TENT4B: variants seen among roughly 807,000 people sequenced by gnomAD.
The protein encoded by TENT4B is terminal nucleotidyltransferase 4B, also known as PAP associated domain containing 5.
Under a neutral mutation model 75.0 loss-of-function variants are expected in TENT4B, and 10 were observed. That is an observed-to-expected ratio of 0.13 (90% CI 0.08 to 0.23). The LOEUF is 0.23. TENT4B is among the 10% of genes least tolerant of loss of function. TENT4B has a pLI of 1.00. For missense variants in TENT4B, 579 were observed against 893.8 expected, an observed-to-expected ratio of 0.65 and a Z score of 4.49; for synonymous variants, 350 against 357.7, an observed-to-expected ratio of 0.98 and a Z score of 0.24.
chr16:50,207,561 G>A (rs1260003870), intron 1 of TENT4B, among the ~76,000 whole-genome samples: 2 of 152,158 alleles, frequency 1.3e-5, no homozygotes, highest in Non-Finnish European at 2.9e-5. Context: ...TCAGATCACG[G>A]AAGAGTTGTA....
At chr16:50,211,234 A>G (rs1438029302) in intron 1 of TENT4B, 89 bp from the exon 2 acceptor site, 7 of 1,323,848 alleles carry the variant, frequency 5.3e-6, no homozygotes, top group Admixed American at 3.3e-5. Flanking sequence ...CAGCTGAATT[A>G]TAAGACTTAA....
chr16:50,182,030 G>A (rs1246067855), intron 1 of TENT4B, among the ~76,000 whole-genome samples: 2 of 152,146 alleles, frequency 1.3e-5, no homozygotes, highest in African/African-American at 4.8e-5. Flanking sequence ...TTAGTAGGAG[G>A]CCGAGGTGGG....
chr16:50,233,565 T>G lies in TENT4B; in HGVS notation c.*4237T>G. The G allele has an allele frequency of 1.0e-6, 1 of 984,928 alleles. No homozygotes were observed. Among genetic ancestry groups the G allele is most frequent in the Non-Finnish European group, 1.2e-6 (1 of 829,456 alleles). 61.0% of individuals were successfully genotyped at this position (984,928 alleles called of 1,614,324 possible). ...TAGACGTTGAATGTTGACAAAATTATTAACCAGAAAAATTGCTTATAAAGG... is the reference window on the plus strand; with the variant it reads ...TAGACGTTGAATGTTGACAAAATTAGTAACCAGAAAAATTGCTTATAAAGG... On this transcript the variant is annotated 3_prime_UTR_variant, in exon 12 of 12. Coordinates refer to ENST00000561678, the MANE Select transcript of TENT4B (RefSeq NM_001365324.3).
chr16:50,169,037 A>G (rs1189318471), intron 1 of TENT4B, among the ~76,000 whole-genome samples: 2 of 152,228 alleles, frequency 1.3e-5, no homozygotes, highest in Non-Finnish European at 2.9e-5. Flanking sequence ...ATTAATACCT[A>G]AAAGAAGTGA....
At chr16:50,182,626 T>C (rs1311362767) in intron 1 of TENT4B, among the ~76,000 whole-genome samples, 1 of 152,196 alleles carries the variant, frequency 6.6e-6, no homozygotes, top group African/African-American at 2.4e-5. Context: ...TAAATACACT[T>C]TCCTATGTGA....
chr16:50,210,418 G>A (rs568830608), intron 1 of TENT4B, among the ~76,000 whole-genome samples: 2 of 152,314 alleles, frequency 1.3e-5, no homozygotes, highest in East Asian at 1.9e-4. Flanking sequence ...CAGGCGCTGC[G>A]CCTATCCGCA....
At chr16:50,216,241 A>G (rs868646803) in intron 4 of TENT4B, 46 bp downstream of exon 4, 17 of 1,603,878 alleles carry the variant, frequency 1.1e-5, no homozygotes, top group Middle Eastern at 1.6e-4. Flanking sequence ...TTATTTACCT[A>G]TGAAACTTGA....
At chr16:50,196,878 G>T (rs2030293675) in intron 1 of TENT4B, among the ~76,000 whole-genome samples, 1 of 151,972 alleles carries the variant, frequency 6.6e-6, no homozygotes, top group Admixed American at 6.6e-5. Context: ...AAAGGCTGCA[G>T]TGAGCTATGG....
At chr16:50,169,793 G>A (rs889394702) in intron 1 of TENT4B, among the ~76,000 whole-genome samples, 3 of 152,180 alleles carry the variant, frequency 2.0e-5, no homozygotes, top group Admixed American at 6.5e-5. Context: ...CATGCATGAA[G>A]GGAAGTTAAT....
intron 1 of TENT4B, among the ~76,000 whole-genome samples, chr16:50,158,634 G>A (rs1397305483): frequency 6.6e-6 from 1 of 152,196 alleles, no homozygotes; most frequent in Non-Finnish European, 1.5e-5. Context: ...CTTCTGGAAG[G>A]TGCTTGGTGT....
chr16:50,153,825 C>T lies in TENT4B; in HGVS notation c.204C>T (p.Ser68=). The change falls in exon 1 of 12, where the codon AGC becomes AGT. Residue 68 remains serine (S), a synonymous_variant. Transcript: ENST00000561678. ...GCGGGAGCGGCAGCAGCACCGGCAGCCCCGGCGGCGCGGCCTCGGCCCCGG... is the reference window on the plus strand; with the variant it reads ...GCGGGAGCGGCAGCAGCACCGGCAGTCCCGGCGGCGCGGCCTCGGCCCCGG... ...ATGGSGSSTG[S]PGGAASAPAP... 8.1e-6 allele frequency: 10 copies of T among 1,240,100 alleles called. No homozygotes were observed. Among genetic ancestry groups the T allele is most frequent in the Non-Finnish European group, 1.0e-5 (10 of 996,008 alleles). The allele number at this position is 1,240,100 out of a possible 1,614,324, so 76.8% of individuals were successfully genotyped here. A position where few individuals can be genotyped will look rare whatever the true frequency, so the allele number is the denominator to read the frequency against.
chr16:50,172,041 A>C (rs1273189914), intron 1 of TENT4B, among the ~76,000 whole-genome samples: 2 of 151,824 alleles, frequency 1.3e-5, no homozygotes, highest in African/African-American at 4.8e-5. Flanking sequence ...CTCTGTCTCA[A>C]AAATAAATAA....
chr16:50,231,001 T>C lies in TENT4B; in HGVS notation c.*1673T>C. The stretch of plus-strand genomic sequence containing the variant: ...GAAATACTGAAGACCAATCAGACCA[T>C]TAATGGACACTTAGTGTAACTTTTT... On this transcript the variant is annotated 3_prime_UTR_variant, in exon 12 of 12. Coordinates refer to ENST00000561678, the MANE Select transcript of TENT4B (RefSeq NM_001365324.3). 1.0e-6 allele frequency: 1 copy of C among 983,408 alleles called. No individual in the cohort carries two copies. The highest frequency in any genetic ancestry group is 1.2e-6 in the Non-Finnish European group (1 of 827,718). The allele number at this position is 983,408 out of a possible 1,614,324, so 60.9% of individuals were successfully genotyped here. A position where few individuals can be genotyped will look rare whatever the true frequency, so the allele number is the denominator to read the frequency against.
At chr16:50,168,974 C>A (rs535489162) in intron 1 of TENT4B, among the ~76,000 whole-genome samples, 64 of 152,226 alleles carry the variant, frequency 4.2e-4, no homozygotes, top group African/African-American at 1.5e-3. Context: ...ATAAATAGTT[C>A]TTTGTGTATC....
At position 50,223,214 on chromosome 16, in the gene TENT4B, A is replaced by T. The variant is rs1479379550; in HGVS notation, c.1208A>T (p.Tyr403Phe). ...GATGCTTGCATCCCCAATACAAACTATGGTGTTCTCTTAATAGAATTTTTT... is the reference window on the plus strand; with the variant it reads ...GATGCTTGCATCCCCAATACAAACTTTGGTGTTCTCTTAATAGAATTTTTT... ...REDACIPNTN[Y>F]GVLLIEFFEL... Residue 403 changes from tyrosine (Y) to phenylalanine (F), a missense_variant, in exon 7 of 12, where the codon TAT becomes TTT. This residue lies in a region of TENT4B where 71 missense variants were observed against 210.6 expected (regional missense o/e 0.34). Transcript: ENST00000561678. 10 of 1,613,560 alleles carry T rather than the reference A, an allele frequency of 6.2e-6. No individual in the cohort carries two copies. Among genetic ancestry groups the T allele is most frequent in the Non-Finnish European group, 8.5e-6 (10 of 1,179,688 alleles).
chr16:50,194,239 G>A (rs1414653768), intron 1 of TENT4B, among the ~76,000 whole-genome samples: 7 of 131,554 alleles, frequency 5.3e-5, no homozygotes, highest in African/African-American at 1.4e-4. Flanking sequence ...TCTCTGAGAC[G>A]GAGTCTTGCT....
chr16:50,224,816 C>A, intron 8 of TENT4B, 33 bp downstream of exon 8: 2 of 1,612,864 alleles, frequency 1.2e-6, no homozygotes, highest in South Asian at 2.2e-5. Context: ...CCCATTGTGT[C>A]AAAATTAGTT....
At position 50,154,147 on chromosome 16, in the gene TENT4B, C is replaced by T. The variant is rs951922383; in HGVS notation, c.526C>T (p.Leu176=). 7 of 1,523,664 alleles carry T rather than the reference C, an allele frequency of 4.6e-6. No homozygotes were observed. The African/African-American group carries it at 5.6e-5, about 12-fold the overall frequency. 94.4% of individuals were successfully genotyped at this position (1,523,664 alleles called of 1,614,324 possible). ...CAGCACGTATGGACTCAACTACAGC[C>T]TGCTGCAGCCCAGCGGAGGGCGGGC... is the stretch of plus-strand genomic sequence containing the variant. ...KASTYGLNYS[L]LQPSGGRAAG... Residue 176 remains leucine (L), a synonymous_variant, in exon 1 of 12, where the codon CTG becomes TTG. Coordinates refer to ENST00000561678, the MANE Select transcript of TENT4B (RefSeq NM_001365324.3).
intron 1 of TENT4B, among the ~76,000 whole-genome samples, chr16:50,163,111 T>TG (rs1163333453): frequency 1.3e-5 from 2 of 152,188 alleles, no homozygotes; most frequent in African/African-American, 4.8e-5. Context: ...TAGTCACTGT[T>TG]TTGATTTTGT....
Sources: gnomAD v4.1 joint callset for allele counts (sites outside exome capture counted in the v4.1 genomes callset) on GRCh38, gnomAD v4.1.1 for gene constraint, gnomAD v4.1.1 regional missense constraint, MANE v1.5 for transcripts, NCBI Gene and HGNC (gene_info 2026-07-23, HGNC 2026-07-21) for gene names.